Variants in FBP2 observed in about 807,000 individuals in gnomAD.
FBP2 encodes the protein fructose-1,6-bisphosphatase isozyme 2.
FBP2 carries 27 observed loss-of-function variants against 31.6 expected under a neutral mutation model. The observed-to-expected ratio is 0.85, with a 90% CI of 0.63 to 1.18. The LOEUF is 1.18. Among genes scored for constraint, FBP2 ranks in the 50% most tolerant of loss-of-function variants. FBP2 has a pLI of 0.00. For missense variants in FBP2, 421 were observed against 436.1 expected (o/e 0.97, Z 0.31); for synonymous variants, 168 against 179.8 (o/e 0.93, Z 0.53).
rs1345751447 is a variant in FBP2 at position 94,571,450 on chromosome 9, T to C, written c.567+12A>G. On this transcript the variant is annotated intron_variant, in intron 4 of 6. Transcript: ENST00000375337. The stretch of plus-strand genomic sequence containing the variant: ...GTCCCCAGGCACAGATGATGCCATA[T>C]TCTGTACCTACCGGGTCAAGCATGA... The C allele has an allele frequency of 6.2e-7, 1 of 1,604,732 alleles. No homozygotes were observed. Among genetic ancestry groups the C allele is most frequent in the Non-Finnish European group, 8.5e-7 (1 of 1,175,678 alleles).
chr9:94,582,516 G>C (rs1827382286), intron 3 of FBP2, among the ~76,000 whole-genome samples: 1 of 150,518 alleles, frequency 6.6e-6, no homozygotes, highest in African/African-American at 2.5e-5. Flanking sequence ...GAGTAGCTGG[G>C]ACCACAGTCA....
At position 94,563,522 on chromosome 9, in the gene FBP2, T is replaced by G. The variant is rs757370129; in HGVS notation, c.706-61A>C. On this transcript the variant is annotated intron_variant, in intron 5 of 6. Coordinates refer to ENST00000375337, the MANE Select transcript of FBP2 (RefSeq NM_003837.4). ...GCTTTCAGGATTAGCCAGCACCTGCTCGTGGTCACAAGTCCAGTTGGTGTG... is the reference window on the plus strand; with the variant it reads ...GCTTTCAGGATTAGCCAGCACCTGCGCGTGGTCACAAGTCCAGTTGGTGTG... The G allele has an allele frequency of 5.1e-6, 8 of 1,577,600 alleles. No individual in the cohort carries two copies. In the Admixed American group the frequency reaches 5.2e-5, roughly 10 times the overall value.
rs756302002 is a variant in FBP2 at position 94,587,287 on chromosome 9, A to C, written c.333+20T>G. ...TATCATCATCTACTGGCGAGCGGGCACCGCAGCCCCATGACGCACCCGCTT... is the reference window on the plus strand; with the variant it reads ...TATCATCATCTACTGGCGAGCGGGCCCCGCAGCCCCATGACGCACCCGCTT... On this transcript the variant is annotated intron_variant, in intron 2 of 6. Transcript: ENST00000375337. 6.3e-6 allele frequency: 10 copies of C among 1,587,942 alleles called. No individual in the cohort carries two copies. In the South Asian group the frequency reaches 1.0e-4, roughly 17 times the overall value.
chr9:94,593,344 T>G (rs1420437326), intron 1 of FBP2, among the ~76,000 whole-genome samples: 2 of 152,238 alleles, frequency 1.3e-5, no homozygotes, highest in Non-Finnish European at 2.9e-5. Flanking sequence ...TATATGTGTA[T>G]TTCTTCATAG....
intron 3 of FBP2, among the ~76,000 whole-genome samples, chr9:94,578,183 A>G (rs1470297148): frequency 6.6e-6 from 1 of 152,250 alleles, no homozygotes; most frequent in African/African-American, 2.4e-5. Context: ...AGCCAAACAC[A>G]GAGTAATCTT....
chr9:94,558,769 C>T lies in FBP2; in HGVS notation c.*169G>A, dbSNP rs1827046730. On this transcript the variant is annotated 3_prime_UTR_variant, in exon 7 of 7. Coordinates refer to ENST00000375337, the MANE Select transcript of FBP2 (RefSeq NM_003837.4). ...TAGTCCTTCACATTGACCATAGAAT[C>T]GCCTGTGGCTTCCAAACCTGTCGTA... 6 of 627,638 alleles carry T rather than the reference C, an allele frequency of 9.6e-6. No individual in the cohort carries two copies. Among genetic ancestry groups the T allele is most frequent in the Non-Finnish European group, 1.7e-5 (6 of 359,180 alleles). 38.9% of individuals were successfully genotyped at this position (627,638 alleles called of 1,614,324 possible). A position where few individuals can be genotyped will look rare whatever the true frequency, so the allele number is the denominator to read the frequency against.
At chr9:94,571,335 C>T (rs947307722) in intron 4 of FBP2, 127 bp downstream of exon 4, 2 of 1,004,072 alleles carry the variant, frequency 2.0e-6, no homozygotes, top group Non-Finnish European at 2.7e-6. Flanking sequence ...CCAAACTAGG[C>T]TCTCAGGACC....
intron 1 of FBP2, 102 bp downstream of exon 1, chr9:94,593,455 A>G: frequency 8.8e-7 from 1 of 1,130,232 alleles, no homozygotes. Context: ...ACACAGGGCC[A>G]ATAAGCTTTG....
intron 1 of FBP2, among the ~76,000 whole-genome samples, chr9:94,589,019 C>T (rs1052062403): frequency 1.3e-5 from 2 of 152,210 alleles, no homozygotes; most frequent in African/African-American, 4.8e-5. Flanking sequence ...CTTCTCTGGC[C>T]GTCTGTTTGG....
At chr9:94,576,300 T>C (rs1827313990) in intron 3 of FBP2, among the ~76,000 whole-genome samples, 1 of 152,148 alleles carries the variant, frequency 6.6e-6, no homozygotes, top group Admixed American at 6.5e-5. Context: ...GTCAAAGTGG[T>C]TGCTTTGATG....
intron 6 of FBP2, among the ~76,000 whole-genome samples, chr9:94,562,919 C>T (rs888875560): frequency 3.9e-5 from 6 of 152,270 alleles, no homozygotes; most frequent in South Asian, 4.1e-4. Flanking sequence ...ACTCCCTCAA[C>T]GTGTAATTTG....
At chr9:94,576,719 C>T (rs893327341) in intron 3 of FBP2, 5 of 152,174 alleles carry the variant, frequency 3.3e-5, no homozygotes, top group Non-Finnish European at 7.3e-5. Context: ...AACTTCGGAA[C>T]TTGGTGAGTT....
chr9:94,589,874 ACAG>A (rs964406161), intron 1 of FBP2, among the ~76,000 whole-genome samples: 39 of 152,160 alleles, frequency 2.6e-4, no homozygotes, highest in African/African-American at 9.2e-4. Flanking sequence ...CAAGCAAGCA[ACAG>A]CAGCAACAAA....
At chr9:94,586,997 C>T (rs377576456) in intron 2 of FBP2, among the ~76,000 whole-genome samples, 41 of 152,266 alleles carry the variant, frequency 2.7e-4, no homozygotes, top group South Asian at 2.1e-3. Flanking sequence ...CCCTGGACTC[C>T]ACAAGGTTAA....
intron 6 of FBP2, among the ~76,000 whole-genome samples, chr9:94,561,477 C>A (rs1827102101): frequency 6.6e-6 from 1 of 151,116 alleles, no homozygotes; most frequent in South Asian, 2.1e-4. Context: ...ATTCTCCTGC[C>A]TCAGCCTCCC....
At chr9:94,587,573 T>C (rs916737774) in intron 1 of FBP2, 104 bp from the exon 2 acceptor site, 156 of 1,002,236 alleles carry the variant, frequency 1.6e-4, no homozygotes, top group Middle Eastern at 2.3e-4. Flanking sequence ...TCTCGTTCTG[T>C]GTCTCTGGAG....
In FBP2 at chr9:94,563,493, A is replaced by G. The variant is rs555958293; in HGVS notation, c.706-32T>C. 3.1e-4 allele frequency: 505 copies of G among 1,603,700 alleles called. 1 individual carries two copies. In the South Asian group the frequency reaches 5.4e-3, roughly 17 times the overall value. On this transcript the variant is annotated intron_variant, in intron 5 of 6. Transcript: ENST00000375337. The stretch of plus-strand genomic sequence containing the variant: ...GACAGAAAGCGAAGAGACAAGATCC[A>G]GTGGCTTTCAGGATTAGCCAGCACC...
intron 5 of FBP2, among the ~76,000 whole-genome samples, chr9:94,564,616 C>T (rs1483608595): frequency 6.6e-6 from 1 of 151,994 alleles, no homozygotes; most frequent in Non-Finnish European, 1.5e-5. Flanking sequence ...ATGATGAGAA[C>T]ACATGGACAC....
intron 5 of FBP2, 147 bp downstream of exon 5, chr9:94,567,123 G>T: frequency 1.4e-6 from 1 of 704,740 alleles, no homozygotes; most frequent in Non-Finnish European, 2.3e-6. Context: ...TGCTTATGAA[G>T]AAAGGCAGAG....
Sources: allele counts gnomAD v4.1 joint callset (sites outside exome capture counted in the v4.1 genomes callset), GRCh38; gene constraint gnomAD v4.1.1; transcripts MANE v1.5; gene names NCBI Gene and HGNC (gene_info 2026-07-23, HGNC 2026-07-21).